THSD7B: variants seen among roughly 807,000 people sequenced by gnomAD.
The protein encoded by THSD7B is thrombospondin type-1 domain-containing protein 7B.
Under a neutral mutation model 213.6 loss-of-function variants are expected in THSD7B, and 138 were observed. The ratio of observed to expected loss-of-function variants is 0.65; its 90% confidence interval spans 0.56 to 0.74. The LOEUF is 0.74. Among genes scored for constraint, THSD7B ranks in the 30% least tolerant of loss-of-function variants. THSD7B has a pLI of 0.00. For missense variants in THSD7B, 1,931 were observed against 1,991.5 expected, an observed-to-expected ratio of 0.97 and a Z score of 0.58; for synonymous variants, 742 against 687.0, an observed-to-expected ratio of 1.08 and a Z score of -1.25.
chr2:136,833,195 C>G (rs945312403), intron 1 of THSD7B, among the ~76,000 whole-genome samples: 2 of 151,862 alleles, frequency 1.3e-5, no homozygotes, highest in African/African-American at 4.8e-5. Flanking sequence ...GAAACCCCGT[C>G]TCTACTAAAA....
chr2:136,801,575 T>C (rs932797695), intron 1 of THSD7B, among the ~76,000 whole-genome samples: 9 of 152,136 alleles, frequency 5.9e-5, no homozygotes, highest in Non-Finnish European at 8.8e-5. Context: ...AAACAGTTTG[T>C]TCTTCCTCTT....
intron 2 of THSD7B, among the ~76,000 whole-genome samples, chr2:136,940,329 A>C (rs1331803323): frequency 6.6e-6 from 1 of 152,158 alleles, no homozygotes; most frequent in Non-Finnish European, 1.5e-5. Context: ...ATGCTGCTAC[A>C]AAAGACATAA....
At chr2:137,296,540 C>CTTTGTTCTCATGGA (rs1683467957) in intron 12 of THSD7B, among the ~76,000 whole-genome samples, 1 of 152,020 alleles carries the variant, frequency 6.6e-6, no homozygotes, top group African/African-American at 2.4e-5. Context: ...AATGTACTTA[C>CTTTGTTCTCATGGA]CATGGACTAT....
chr2:136,813,701 G>A (rs1258972756), intron 1 of THSD7B, among the ~76,000 whole-genome samples: 2 of 151,708 alleles, frequency 1.3e-5, no homozygotes, highest in East Asian at 3.9e-4. Context: ...ATTTTTTGTT[G>A]CTTCCAGAAG....
At chr2:137,051,435 T>C (rs1687068920) in intron 2 of THSD7B, among the ~76,000 whole-genome samples, 1 of 152,240 alleles carries the variant, frequency 6.6e-6, no homozygotes, top group Non-Finnish European at 1.5e-5. Context: ...AGAGGTGTTA[T>C]TTTAATTATT....
intron 2 of THSD7B, among the ~76,000 whole-genome samples, chr2:136,915,497 A>G (rs937300437): frequency 1.3e-5 from 2 of 152,210 alleles, no homozygotes; most frequent in African/African-American, 4.8e-5. Context: ...AACTCATTAC[A>G]TTTCTTTCTA....
At chr2:136,933,045 C>T (rs1227564493) in intron 2 of THSD7B, among the ~76,000 whole-genome samples, 2 of 152,192 alleles carry the variant, frequency 1.3e-5, no homozygotes, top group East Asian at 3.9e-4. Flanking sequence ...GGAGGAATGT[C>T]TTAATATCAG....
chr2:137,644,724 G>A lies in THSD7B; in HGVS notation c.3945+2091G>A, dbSNP rs78673100. On this transcript the variant is annotated intron_variant, in intron 21 of 27. Coordinates refer to ENST00000409968, the MANE Select transcript of THSD7B (RefSeq NM_001316349.2). ...CACAAAGGAAAAACATCTTTCTGCC[G>A]CTGCATTTGTGCTTCCTCTTGTCCT... Among the ~76,000 whole-genome samples, 234 of 152,202 alleles carry A rather than the reference G, an allele frequency of 1.5e-3. 1 individual carries two copies. The highest frequency in any genetic ancestry group is 5.3e-3 in the African/African-American group (221 of 41,532).
chr2:137,503,117 TTATAA>T (rs1463889081), intron 15 of THSD7B, among the ~76,000 whole-genome samples: 5 of 152,182 alleles, frequency 3.3e-5, no homozygotes, highest in Non-Finnish European at 5.9e-5. Flanking sequence ...GGACTATATA[TTATAA>T]TCTGTAAGCA....
intron 2 of THSD7B, among the ~76,000 whole-genome samples, chr2:136,958,318 C>T (rs937983122): frequency 1.3e-5 from 2 of 152,196 alleles, no homozygotes; most frequent in Non-Finnish European, 1.5e-5. Flanking sequence ...GTTGTTTTAT[C>T]AGCAACACTG....
chr2:137,132,389 C>A (rs1047274063), intron 5 of THSD7B, among the ~76,000 whole-genome samples: 1 of 150,704 alleles, frequency 6.6e-6, no homozygotes, highest in Non-Finnish European at 1.5e-5. Context: ...TTTAAAGAAG[C>A]TATGTAAAGA....
intron 12 of THSD7B, among the ~76,000 whole-genome samples, chr2:137,405,197 GCA>G (rs1686486340): frequency 4.1e-5 from 1 of 24,496 alleles, no homozygotes; most frequent in Non-Finnish European, 1.4e-4. Context: ...ATCTAAACAA[GCA>G]AAAAAAAAAA....
Position 136,961,377 on chromosome 2 carries a change from GC to G in THSD7B, c.139+79063del, listed in dbSNP as rs992812067. ...CTGGGACTACAGGCACAACCACCAT[GC>G]CCGGCTAATTTTTTGTATTTCTTAG... On this transcript the variant is annotated intron_variant, in intron 2 of 27. Coordinates refer to ENST00000409968, the MANE Select transcript of THSD7B (RefSeq NM_001316349.2). Among the ~76,000 whole-genome samples, 27 of 151,432 alleles carry G rather than the reference GC, an allele frequency of 1.8e-4. 1 individual carries two copies. The highest frequency in any genetic ancestry group is 5.9e-4 in the Admixed American group (9 of 15,208).
At chr2:137,488,871 C>G (rs894654536) in intron 15 of THSD7B, among the ~76,000 whole-genome samples, 12 of 152,112 alleles carry the variant, frequency 7.9e-5, no homozygotes, top group African/African-American at 2.7e-4. Context: ...ATATGACTTT[C>G]CCAGCTTGAT....
intron 15 of THSD7B, among the ~76,000 whole-genome samples, chr2:137,478,277 A>C (rs1688232308): frequency 2.0e-5 from 3 of 151,784 alleles, no homozygotes; most frequent in African/African-American, 7.3e-5. Flanking sequence ...ATTTTTCTTT[A>C]TTTTCATCTA....
chr2:137,021,230 T>G (rs548233181), intron 2 of THSD7B, among the ~76,000 whole-genome samples: 35 of 152,338 alleles, frequency 2.3e-4, no homozygotes, highest in African/African-American at 7.9e-4. Flanking sequence ...ACACATTGTT[T>G]TAGCCACTAG....
At chr2:136,874,604 A>G (rs1014450032) in intron 1 of THSD7B, among the ~76,000 whole-genome samples, 20 of 152,222 alleles carry the variant, frequency 1.3e-4, no homozygotes, top group African/African-American at 4.8e-4. Context: ...TTAAATATTT[A>G]AGGGCTTCAA....
At chr2:136,879,247 G>A (rs1683577356) in intron 1 of THSD7B, among the ~76,000 whole-genome samples, 1 of 152,184 alleles carries the variant, frequency 6.6e-6, no homozygotes. Flanking sequence ...CATTATTTCT[G>A]AGGGCTCTGT....
At chr2:136,773,808 C>T (rs1284298701) in intron 1 of THSD7B, among the ~76,000 whole-genome samples, 1 of 151,798 alleles carries the variant, frequency 6.6e-6, no homozygotes, top group Admixed American at 6.6e-5. Context: ...TTCCTTTTAA[C>T]TGTACATAGT....
Sources: gnomAD v4.1 joint callset for allele counts (sites outside exome capture counted in the v4.1 genomes callset) on GRCh38, gnomAD v4.1.1 for gene constraint, MANE v1.5 for transcripts, NCBI Gene and HGNC (gene_info 2026-07-23, HGNC 2026-07-21) for gene names.